The following PIK3CA variants were observed in gnomAD, a reference collection of about 807,000 sequenced individuals.
The protein encoded by PIK3CA is phosphatidylinositol 4,5-bisphosphate 3-kinase catalytic subunit alpha isoform.
A neutral mutation model predicts 138.2 loss-of-function variants in PIK3CA; 27 were observed. The ratio of observed to expected loss-of-function variants is 0.20; its 90% CI spans 0.14 to 0.27. The LOEUF (loss-of-function observed/expected upper bound fraction) is 0.27, where lower values mean the gene tolerates loss of function less well. Among genes scored for constraint, PIK3CA ranks in the 10% least tolerant of loss-of-function variants. The pLI, the probability that PIK3CA is intolerant of heterozygous loss-of-function variation, is 1.00. For synonymous variants in PIK3CA, 358 were observed against 413.2 expected (o/e 0.87, Z 1.62); for missense variants, 544 against 1,277.4 (o/e 0.43, Z 8.75).
At chr3:179,173,621 G>A (rs67609137) in intron 1 of PIK3CA, among the ~76,000 whole-genome samples, 37,209 of 151,886 alleles carry the variant, frequency 0.24, 5,602 homozygotes, top group African/African-American at 0.42. Flanking sequence ...ATTAAAAATG[G>A]ATTGATGGTT....
intron 1 of PIK3CA, chr3:179,149,730 A>T (rs1165375598): frequency 6.6e-6 from 1 of 152,154 alleles, no homozygotes; most frequent in African/African-American, 2.4e-5. Context: ...GGTAAATTCC[A>T]GGTTATCTCA....
chr3:179,177,312 C>CTTTTTTTT (rs11328702), intron 1 of PIK3CA, among the ~76,000 whole-genome samples: 1 of 91,040 alleles, frequency 1.1e-5, no homozygotes, highest in African/African-American at 4.4e-5. Context: ...ATTCTCTTTT[C>CTTTTTTTT]TTTTTTTTTT....
chr3:179,236,939 GCTGA>G lies in PIK3CA; in HGVS notation c.*2578_*2581del, dbSNP rs1163425869. 1 of 203,408 alleles carries G rather than the reference GCTGA, an allele frequency of 4.9e-6. No homozygotes were observed. Among genetic ancestry groups the G allele is most frequent in the Admixed American group, 6.0e-5 (1 of 16,684 alleles). 12.6% of individuals were successfully genotyped at this position (203,408 alleles called of 1,614,324 possible). On this transcript the variant is annotated 3_prime_UTR_variant, in exon 21 of 21. Transcript: ENST00000263967. The stretch of plus-strand genomic sequence containing the variant: ...GTGGTTTAGACAGTTCCTATCTATA[GCTGA>G]CTATCCTTGTCCTTGAATATGGTGT...
chr3:179,188,429 T>TA (rs1434977610), intron 1 of PIK3CA, among the ~76,000 whole-genome samples: 1 of 152,254 alleles, frequency 6.6e-6, no homozygotes, highest in Non-Finnish European at 1.5e-5. Context: ...AGTATTGTAC[T>TA]ACTGGAAAAA....
At chr3:179,171,518 G>C (rs866286035) in intron 1 of PIK3CA, among the ~76,000 whole-genome samples, 2 of 152,030 alleles carry the variant, frequency 1.3e-5, no homozygotes, top group Admixed American at 6.6e-5. Flanking sequence ...AAATGAACAA[G>C]AAGGGATGTA....
In PIK3CA at chr3:179,219,298, A is replaced by G; in HGVS notation, c.1746+21A>G. ...CCCAGGTAAATGTATGTTTGAGATT[A>G]CTAGATAACTGTTGTACAAATTGGT... On this transcript the variant is annotated intron_variant, in intron 11 of 20. Transcript: ENST00000263967. This position sits in a 1 kb window ranked among gnomAD's most constrained non-coding sequence, Gnocchi z 4.2. 1.5e-6 allele frequency: 2 copies of G among 1,348,740 alleles called. No homozygotes were observed. Among genetic ancestry groups the G allele is most frequent in the South Asian group, 1.2e-5 (1 of 84,942 alleles). The allele number at this position is 1,348,740 out of a possible 1,614,324, so 83.5% of individuals were successfully genotyped here.
intron 6 of PIK3CA, among the ~76,000 whole-genome samples, chr3:179,205,906 G>T (rs560490948): frequency 6.6e-6 from 1 of 152,242 alleles, no homozygotes; most frequent in African/African-American, 2.4e-5. Context: ...TCAAGAAAAA[G>T]TTCTGGTCTT....
In PIK3CA at chr3:179,230,000, G is replaced by A. The variant is rs747546701; in HGVS notation, c.2667-4G>A. On this transcript the variant is annotated splice_polypyrimidine_tract_variant and splice_region_variant and intron_variant, in intron 18 of 20. Coordinates refer to ENST00000263967, the MANE Select transcript of PIK3CA (RefSeq NM_006218.4). Reference sequence around the variant, plus strand: ...ACTACTCATGAGGTGTTTATTCTTTGTAGATATGATGCAGCCATTGACCTG... The same window carrying A: ...ACTACTCATGAGGTGTTTATTCTTTATAGATATGATGCAGCCATTGACCTG... 2 of 1,596,932 alleles carry A rather than the reference G, an allele frequency of 1.3e-6. No individual in the cohort carries two copies. The highest frequency in any genetic ancestry group is 1.7e-6 in the Non-Finnish European group (2 of 1,165,726).
intron 1 of PIK3CA, among the ~76,000 whole-genome samples, chr3:179,194,128 A>C (rs977931341): frequency 5.3e-5 from 8 of 152,250 alleles, no homozygotes; most frequent in African/African-American, 1.4e-4. Context: ...TATAACCTAC[A>C]CTTGAAAAGC....
intron 1 of PIK3CA, among the ~76,000 whole-genome samples, chr3:179,181,999 C>T (rs1337818226): frequency 1.3e-5 from 2 of 152,146 alleles, no homozygotes; most frequent in African/African-American, 4.8e-5. Flanking sequence ...CTCTGTCCAA[C>T]CTAAAAACTT....
chr3:179,191,998 A>G (rs1228775830), intron 1 of PIK3CA, among the ~76,000 whole-genome samples: 2 of 152,234 alleles, frequency 1.3e-5, no homozygotes, highest in African/African-American at 4.8e-5. Flanking sequence ...ACTGAAATAT[A>G]TAAAATATAC....
chr3:179,211,313 A>G (rs780490891), intron 9 of PIK3CA, among the ~76,000 whole-genome samples: 1 of 152,218 alleles, frequency 6.6e-6, no homozygotes, highest in African/African-American at 2.4e-5. Context: ...GTACTACTGT[A>G]ATAATTTCAT....
At chr3:179,171,005 A>G (rs551415778) in intron 1 of PIK3CA, among the ~76,000 whole-genome samples, 23 of 152,324 alleles carry the variant, frequency 1.5e-4, no homozygotes, top group Admixed American at 8.5e-4. Flanking sequence ...TCTAAAGTGC[A>G]TTGGTAACAT....
chr3:179,224,100 T>C lies in PIK3CA; in HGVS notation c.2207T>C (p.Val736Ala), dbSNP rs766847142. 2 of 1,603,736 alleles carry C rather than the reference T, an allele frequency of 1.2e-6. No homozygotes were observed. The highest frequency in any genetic ancestry group is 2.2e-5 in the East Asian group (1 of 44,756). ...AATCAGGTACAGATGAAGTTTTTAGTTGAGCAAATGAGGCGACCAGATTTC... is the reference window on the plus strand; with the variant it reads ...AATCAGGTACAGATGAAGTTTTTAGCTGAGCAAATGAGGCGACCAGATTTC... The part of the protein sequence containing the change: ...ETQKVQMKFL[V>A]EQMRRPDFMD... Residue 736 changes from valine (V) to alanine (A), a missense_variant, in exon 15 of 21, where the codon GTT (valine) becomes GCT (alanine). Coordinates refer to ENST00000263967, the MANE Select transcript of PIK3CA (RefSeq NM_006218.4).
At chr3:179,148,831 C>T (rs1179565869) in intron 1 of PIK3CA, among the ~76,000 whole-genome samples, 1 of 152,172 alleles carries the variant, frequency 6.6e-6, no homozygotes, top group African/African-American at 2.4e-5. Flanking sequence ...TCTCCTTTCT[C>T]TCTGGCTGCC....
intron 17 of PIK3CA, among the ~76,000 whole-genome samples, chr3:179,228,842 C>T (rs1725147028): frequency 6.6e-6 from 1 of 151,932 alleles, no homozygotes; most frequent in Non-Finnish European, 1.5e-5. Flanking sequence ...AGATGTAATT[C>T]ACATAACTAA....
intron 6 of PIK3CA, among the ~76,000 whole-genome samples, chr3:179,209,025 A>AT (rs1378015099): frequency 2.7e-5 from 4 of 147,934 alleles, no homozygotes; most frequent in African/African-American, 9.8e-5. Flanking sequence ...TTATGTATAT[A>AT]GTATATTATA....
chr3:179,236,428 G>GT lies in PIK3CA; in HGVS notation c.*2066dup, dbSNP rs1303954122. On this transcript the variant is annotated 3_prime_UTR_variant, in exon 21 of 21. Coordinates refer to ENST00000263967, the MANE Select transcript of PIK3CA (RefSeq NM_006218.4). ...ATTTTGTGTTGTTTAGATATAGGCA[G>GT]TTGATACATACTAACATCCCAGCCT... 9.4e-6 allele frequency: 2 copies of GT among 212,910 alleles called. No individual in the cohort carries two copies. The highest frequency in any genetic ancestry group is 4.5e-5 in the African/African-American group (2 of 44,170). 13.2% of individuals were successfully genotyped at this position (212,910 alleles called of 1,614,324 possible). A position where few individuals can be genotyped will look rare whatever the true frequency, so the allele number is the denominator to read the frequency against.
intron 1 of PIK3CA, among the ~76,000 whole-genome samples, chr3:179,173,437 G>C (rs1015810965): frequency 6.8e-6 from 1 of 147,372 alleles, no homozygotes; most frequent in Non-Finnish European, 1.5e-5. Flanking sequence ...AACTTAGCCA[G>C]GTGTGGTGGC....
Sources: allele counts gnomAD v4.1 joint callset (sites outside exome capture counted in the v4.1 genomes callset), GRCh38; gene constraint gnomAD v4.1.1; non-coding constraint Gnocchi (gnomAD v3.1); transcripts MANE v1.5; gene names NCBI Gene and HGNC (gene_info 2026-07-23, HGNC 2026-07-21).